The following DLGAP2 variants were observed in gnomAD, a reference collection of about 807,000 sequenced individuals.
The protein encoded by DLGAP2 is disks large-associated protein 2.
Under a neutral mutation model 100.3 loss-of-function variants are expected in DLGAP2, and 26 were observed. The observed-to-expected ratio is 0.26, with a 90% confidence interval of 0.19 to 0.36. The LOEUF is 0.36. DLGAP2 is among the 10% of genes least tolerant of loss of function. The pLI is 1.00. For synonymous variants in DLGAP2, 886 were observed against 630.1 expected, an observed-to-expected ratio of 1.41 and a Z score of -6.08; for missense variants, 1,858 against 1,453.2, an observed-to-expected ratio of 1.28 and a Z score of -4.53.
At chr8:1,511,138 C>G (rs10110006) in intron 4 of DLGAP2, among the ~76,000 whole-genome samples, 70,685 of 151,932 alleles carry the variant, frequency 0.47, 16,878 homozygotes, top group South Asian at 0.7. Flanking sequence ...GGTGACCATC[C>G]TCCATGGATG....
At chr8:1,699,299 A>C (rs930968062) in intron 14 of DLGAP2, among the ~76,000 whole-genome samples, 2 of 151,982 alleles carry the variant, frequency 1.3e-5, no homozygotes, top group South Asian at 4.2e-4. Flanking sequence ...GTGAAACCCC[A>C]TCTCTACTAA....
intron 2 of DLGAP2, among the ~76,000 whole-genome samples, chr8:1,086,827 C>T (rs1803988086): frequency 1.3e-5 from 2 of 152,042 alleles, no homozygotes; most frequent in Admixed American, 6.6e-5. Context: ...CTTTAATATA[C>T]CACTTTCAAT....
intron 6 of DLGAP2, among the ~76,000 whole-genome samples, chr8:1,591,717 C>G (rs1013037580): frequency 6.6e-6 from 1 of 152,168 alleles, no homozygotes; most frequent in African/African-American, 2.4e-5. Context: ...ACCCCACACA[C>G]CCGCATATCT....
intron 2 of DLGAP2, among the ~76,000 whole-genome samples, chr8:1,158,397 T>C (rs1456169640): frequency 6.6e-6 from 1 of 152,218 alleles, no homozygotes; most frequent in Non-Finnish European, 1.5e-5. Flanking sequence ...TGTGAAGATG[T>C]TTTATTGACT....
intron 2 of DLGAP2, among the ~76,000 whole-genome samples, chr8:1,040,022 G>T (rs1196509284): frequency 1.2e-4 from 16 of 135,206 alleles, no homozygotes; most frequent in African/African-American, 4.4e-4. Context: ...CTCGGTTTCC[G>T]TGGTCAGCTC....
rs1419380158 is a variant in DLGAP2 at position 1,008,143 on chromosome 8, C to T, written c.73+100177C>T. On this transcript the variant is annotated intron_variant, in intron 2 of 14. Transcript: ENST00000637795. ...ATCCTGATCTACCTTCCCATTTGGACATAATTTTTGTTTGAAATCAGGAAC... is the reference window on the plus strand; with the variant it reads ...ATCCTGATCTACCTTCCCATTTGGATATAATTTTTGTTTGAAATCAGGAAC... 2.0e-5 allele frequency among the ~76,000 whole-genome samples: 3 copies of T among 152,196 alleles called. No individual in the cohort carries two copies. The East Asian group carries it at 5.8e-4, about 29-fold the overall frequency.
In DLGAP2 at chr8:1,354,621, A is replaced by G. The variant is rs1473885527; in HGVS notation, c.106+95738A>G. On this transcript the variant is annotated intron_variant, in intron 3 of 14. Coordinates refer to ENST00000637795, the MANE Select transcript of DLGAP2 (RefSeq NM_001346810.2). ...AAGTCACGGATGATGCTGCGGATGA[A>G]GGTGGAAAGTCACGGATGATGCTGC... is the stretch of plus-strand genomic sequence containing the variant. Among the ~76,000 whole-genome samples, 141 of 137,138 alleles carry G rather than the reference A, an allele frequency of 1.0e-3. No homozygotes were observed. The Middle Eastern group carries it at 0.013, about 12-fold the overall frequency. 90.0% of individuals were successfully genotyped at this position (137,138 alleles called of 152,430 possible).
intron 3 of DLGAP2, among the ~76,000 whole-genome samples, chr8:1,314,402 A>G (rs1800681169): frequency 6.6e-6 from 1 of 152,214 alleles, no homozygotes; most frequent in African/African-American, 2.4e-5. Flanking sequence ...AATGAAATTA[A>G]AGGGCACACA....
intron 1 of DLGAP2, among the ~76,000 whole-genome samples, chr8:788,359 G>C (rs992010854): frequency 2.0e-5 from 3 of 152,080 alleles, no homozygotes; most frequent in African/African-American, 7.2e-5. Context: ...TCGAGGCCTC[G>C]GCATCTGTGT....
chr8:882,282 C>T (rs1028530154), intron 1 of DLGAP2, among the ~76,000 whole-genome samples: 7 of 151,724 alleles, frequency 4.6e-5, no homozygotes, highest in Admixed American at 2.6e-4. Context: ...CCTGGCCCAG[C>T]GGCACCTCTC....
chr8:1,080,404 C>G (rs1052760402), intron 2 of DLGAP2, among the ~76,000 whole-genome samples: 2 of 152,232 alleles, frequency 1.3e-5, no homozygotes, highest in Non-Finnish European at 1.5e-5. Context: ...CGAAGGGATG[C>G]TCCTCACACT....
intron 2 of DLGAP2, among the ~76,000 whole-genome samples, chr8:1,091,886 C>T (rs987272351): frequency 5.9e-5 from 9 of 152,014 alleles, no homozygotes; most frequent in African/African-American, 1.9e-4. Context: ...TGCTTTTCCT[C>T]TTCTCTAACG....
At chr8:861,051 C>T (rs562367018) in intron 1 of DLGAP2, among the ~76,000 whole-genome samples, 4 of 152,018 alleles carry the variant, frequency 2.6e-5, no homozygotes, top group East Asian at 3.9e-4. Flanking sequence ...CAGAGAACAG[C>T]GGGAGCGGAG....
intron 3 of DLGAP2, among the ~76,000 whole-genome samples, chr8:1,414,525 C>T (rs956583303): frequency 1.3e-5 from 2 of 152,080 alleles, no homozygotes; most frequent in Admixed American, 6.5e-5. Flanking sequence ...CGGAAGGTGG[C>T]GGGGAGGGAC....
intron 1 of DLGAP2, among the ~76,000 whole-genome samples, chr8:751,484 G>C (rs1820787384): frequency 6.6e-6 from 1 of 152,200 alleles, no homozygotes; most frequent in Non-Finnish European, 1.5e-5. Flanking sequence ...TTTTTCCCCG[G>C]GGACATTACG....
chr8:1,679,436 T>A (rs1798891041), intron 12 of DLGAP2, among the ~76,000 whole-genome samples: 1 of 141,138 alleles, frequency 7.1e-6, no homozygotes, highest in Non-Finnish European at 1.5e-5. Flanking sequence ...GTGTCATTCC[T>A]CTACGGGAGT....
At chr8:1,283,359 G>A (rs1012680045) in intron 3 of DLGAP2, among the ~76,000 whole-genome samples, 8 of 152,308 alleles carry the variant, frequency 5.3e-5, no homozygotes, top group African/African-American at 9.6e-5. Flanking sequence ...GTCCCTCTTC[G>A]TCCCCTCAAT....
intron 2 of DLGAP2, among the ~76,000 whole-genome samples, chr8:1,141,208 G>T (rs1394628095): frequency 1.3e-5 from 2 of 152,178 alleles, no homozygotes; most frequent in Non-Finnish European, 2.9e-5. Context: ...GCAGATGTGG[G>T]AGTGACAGGG....
intron 2 of DLGAP2, among the ~76,000 whole-genome samples, chr8:1,219,095 A>C (rs921951651): frequency 2.6e-5 from 4 of 152,162 alleles, no homozygotes; most frequent in Non-Finnish European, 5.9e-5. Flanking sequence ...TTCTCTTTCT[A>C]TCTGAATGCT....
Sources: allele counts gnomAD v4.1 joint callset (sites outside exome capture counted in the v4.1 genomes callset), GRCh38; gene constraint gnomAD v4.1.1; transcripts MANE v1.5; gene names NCBI Gene and HGNC (gene_info 2026-07-23, HGNC 2026-07-21).